Variants in PRMT3 observed in about 807,000 individuals in gnomAD.
PRMT3 encodes protein arginine methyltransferase 3.
Under a neutral mutation model 71.9 loss-of-function variants are expected in PRMT3, and 62 were observed. The observed-to-expected ratio is 0.86, with a 90% confidence interval of 0.70 to 1.07. The LOEUF (loss-of-function observed/expected upper bound fraction) is 1.07, where lower values mean the gene tolerates loss of function less well. Among genes scored for constraint, PRMT3 ranks in the 50% least tolerant of loss-of-function variants. The probability of loss-of-function intolerance (pLI) is 0.00; values close to 1 mark genes in which losing one functional copy is unlikely to be tolerated. For synonymous variants in PRMT3, 213 were observed against 220.4 expected (o/e 0.97, Z 0.30); for missense variants, 663 against 643.0 (o/e 1.03, Z -0.34).
chr11:20,504,774 C>G (rs1166047400), intron 15 of PRMT3, among the ~76,000 whole-genome samples: 1 of 149,694 alleles, frequency 6.7e-6, no homozygotes, highest in Non-Finnish European at 1.5e-5. Flanking sequence ...CGGTCTGTCG[C>G]CCAGGCTGGA....
Position 20,388,127 on chromosome 11 carries a change from A to G in PRMT3, c.137A>G (p.Gln46Arg), listed in dbSNP as rs144117519. Residue 46 changes from glutamine (Q) to arginine (R), a missense_variant, in exon 2 of 16, where the codon CAG becomes CGG. Coordinates refer to ENST00000331079, the MANE Select transcript of PRMT3 (RefSeq NM_005788.4). ...EDDADLPHGK[Q>R]QTPCLFCNRL... is the part of the protein sequence containing the mutation. ...GATGCAGATCTCCCCCACGGCAAGC[A>G]GCAGACCCCCTGCCTGTTCTGTAAC... 1.9e-6 allele frequency: 3 copies of G among 1,614,010 alleles called. No individual in the cohort carries two copies. The highest frequency in any genetic ancestry group is 3.3e-5 in the Admixed American group (2 of 60,028).
At chr11:20,468,535 ATTT>A (rs2133412005) in intron 13 of PRMT3, among the ~76,000 whole-genome samples, 1 of 152,090 alleles carries the variant, frequency 6.6e-6, no homozygotes, top group African/African-American at 2.4e-5. Context: ...CAGCCGGCTA[ATTT>A]TTGTATTTTT....
At chr11:20,390,772 G>T (rs1848695758) in intron 3 of PRMT3, among the ~76,000 whole-genome samples, 1 of 152,216 alleles carries the variant, frequency 6.6e-6, no homozygotes, top group South Asian at 2.1e-4. Flanking sequence ...AAGGTCAAGA[G>T]ATTGAGACCA....
At chr11:20,439,925 C>G (rs570077348) in intron 10 of PRMT3, among the ~76,000 whole-genome samples, 1 of 152,238 alleles carries the variant, frequency 6.6e-6, no homozygotes, top group South Asian at 2.1e-4. Context: ...TGTGCAAAGA[C>G]TGACAAACAG....
intron 6 of PRMT3, among the ~76,000 whole-genome samples, chr11:20,396,650 G>T (rs763604422): frequency 7.1e-6 from 1 of 141,262 alleles, no homozygotes; most frequent in South Asian, 2.1e-4. Context: ...TGGGGTCGGT[G>T]GGGGGGAATC....
intron 13 of PRMT3, among the ~76,000 whole-genome samples, chr11:20,467,732 A>G (rs575799906): frequency 6.6e-6 from 1 of 152,306 alleles, no homozygotes; most frequent in Admixed American, 6.5e-5. Context: ...ATCCTCTCAG[A>G]GTAAGCTTAT....
chr11:20,391,959 A>G (rs576451123), intron 3 of PRMT3, among the ~76,000 whole-genome samples: 47 of 152,340 alleles, frequency 3.1e-4, no homozygotes, highest in African/African-American at 1.1e-3. Context: ...GAGGAGTAGA[A>G]TTTTAGAAAT....
chr11:20,469,617 G>T (rs1267614393), intron 13 of PRMT3, among the ~76,000 whole-genome samples: 1 of 151,920 alleles, frequency 6.6e-6, no homozygotes, highest in Non-Finnish European at 1.5e-5. Flanking sequence ...TTTGGATTTT[G>T]GAATATTTCC....
At chr11:20,393,724 TTAA>T (rs1245075984) in intron 5 of PRMT3, 2 of 152,184 alleles carry the variant, frequency 1.3e-5, no homozygotes, top group Non-Finnish European at 2.9e-5. Flanking sequence ...AGTTTAATCT[TTAA>T]TATATAATTA....
intron 2 of PRMT3, 57 bp from the exon 3 acceptor site, chr11:20,389,687 A>G (rs1848670448): frequency 2.5e-6 from 3 of 1,200,360 alleles, no homozygotes; most frequent in East Asian, 2.4e-5. Context: ...GTAACATGAA[A>G]TCAGTATTTA....
At position 20,392,912 on chromosome 11, in the gene PRMT3, T is replaced by C; in HGVS notation, c.313T>C (p.Tyr105His). 6.3e-7 allele frequency: 1 copy of C among 1,591,768 alleles called. No individual in the cohort carries two copies. The highest frequency in any genetic ancestry group is 8.6e-7 in the Non-Finnish European group (1 of 1,160,146). The change falls in exon 5 of 16, where the codon TAC becomes CAC. Residue 105 changes from tyrosine to histidine, a missense_variant. Coordinates refer to ENST00000331079, the MANE Select transcript of PRMT3 (RefSeq NM_005788.4). ...FIRLKNPTVE[Y>H]MNSIYNPVPW... ...TTATATCCAGAATCCTACAGTTGAG[T>C]ACATGAATTCCATATACAACCCAGT...
intron 10 of PRMT3, among the ~76,000 whole-genome samples, chr11:20,442,768 A>G (rs1354992702): frequency 6.6e-6 from 1 of 152,242 alleles, no homozygotes; most frequent in Non-Finnish European, 1.5e-5. Flanking sequence ...AATTGTATAG[A>G]CAATTACATT....
At chr11:20,477,812 C>CA (rs1214437027) in intron 13 of PRMT3, among the ~76,000 whole-genome samples, 3 of 144,372 alleles carry the variant, frequency 2.1e-5, no homozygotes, top group Non-Finnish European at 4.6e-5. Context: ...ACCCCCCCCC[C>CA]CCACTTCCTG....
intron 15 of PRMT3, among the ~76,000 whole-genome samples, chr11:20,500,189 A>G (rs1851425079): frequency 1.3e-5 from 2 of 152,228 alleles, no homozygotes; most frequent in South Asian, 4.1e-4. Flanking sequence ...AACCTTAGGA[A>G]TAAATTTAAC....
chr11:20,444,897 G>C (rs1261206060), intron 10 of PRMT3, among the ~76,000 whole-genome samples: 1 of 151,922 alleles, frequency 6.6e-6, no homozygotes, highest in African/African-American at 2.4e-5. Context: ...TTTTGCTTCA[G>C]GTATTTTTAT....
At chr11:20,430,693 C>T (rs1367792249) in intron 10 of PRMT3, among the ~76,000 whole-genome samples, 1 of 152,076 alleles carries the variant, frequency 6.6e-6, no homozygotes, top group Non-Finnish European at 1.5e-5. Context: ...TCTGTCATCT[C>T]ACATACTTAC....
chr11:20,486,208 G>C lies in PRMT3; in HGVS notation c.1348-7711G>C, dbSNP rs1055752266. Among the ~76,000 whole-genome samples the C allele has an allele frequency of 2.6e-5, 4 of 152,270 alleles. No homozygotes were observed. The East Asian group carries it at 7.7e-4, about 29-fold the overall frequency. On this transcript the variant is annotated intron_variant, in intron 13 of 15. Coordinates refer to ENST00000331079, the MANE Select transcript of PRMT3 (RefSeq NM_005788.4). ...AATGGATGGAAGATTTCTTTTGGGG[G>C]AAATGAAATGTTTTTAAAATTAGAT...
At chr11:20,468,902 A>G (rs189948894) in intron 13 of PRMT3, among the ~76,000 whole-genome samples, 1 of 152,312 alleles carries the variant, frequency 6.6e-6, no homozygotes, top group Non-Finnish European at 1.5e-5. Flanking sequence ...ACATCCCCAT[A>G]TGCCACAGAC....
chr11:20,395,431 C>T (rs1223220390), intron 5 of PRMT3, among the ~76,000 whole-genome samples: 1 of 152,032 alleles, frequency 6.6e-6, no homozygotes, highest in Non-Finnish European at 1.5e-5. Flanking sequence ...GCAACCTCCG[C>T]TTCCGAGGTT....
Sources: allele counts gnomAD v4.1 joint callset (sites outside exome capture counted in the v4.1 genomes callset), GRCh38; gene constraint gnomAD v4.1.1; transcripts MANE v1.5; gene names NCBI Gene and HGNC (gene_info 2026-07-23, HGNC 2026-07-21).